The following ITSN1 variants were observed in gnomAD, a reference collection of about 807,000 sequenced individuals.
ITSN1 encodes intersectin 1.
A neutral mutation model predicts 239.8 loss-of-function variants in ITSN1; 58 were observed. The ratio of observed to expected loss-of-function variants is 0.24; its 90% CI spans 0.20 to 0.30. The LOEUF is 0.30. Among genes scored for constraint, ITSN1 ranks in the 10% least tolerant of loss-of-function variants. The pLI, the probability that ITSN1 is intolerant of heterozygous loss-of-function variation, is 1.00. For missense variants in ITSN1, 1,558 were observed against 2,103.3 expected (o/e 0.74, Z 5.07); for synonymous variants, 780 against 770.8 (o/e 1.01, Z -0.20).
intron 1 of ITSN1, among the ~76,000 whole-genome samples, chr21:33,699,453 C>G (rs529682386): frequency 6.6e-6 from 1 of 152,300 alleles, no homozygotes; most frequent in East Asian, 1.9e-4. Context: ...GTCCAGCTGG[C>G]TGGGCACGGT....
intron 34 of ITSN1, among the ~76,000 whole-genome samples, chr21:33,881,406 CA>C (rs1207634551): frequency 0.31 from 23,232 of 75,116 alleles, 2,213 homozygotes; most frequent in African/African-American, 0.47. Context: ...GACTCTGTCT[CA>C]AAAAAAAAAA....
At chr21:33,780,300 A>G (rs531547712) in intron 14 of ITSN1, among the ~76,000 whole-genome samples, 3 of 152,366 alleles carry the variant, frequency 2.0e-5, no homozygotes, top group South Asian at 2.1e-4. Flanking sequence ...ATAAAAATCA[A>G]GATTCCCAAA....
At chr21:33,785,459 TTTC>T (rs1277649505) in intron 16 of ITSN1, among the ~76,000 whole-genome samples, 1 of 105,326 alleles carries the variant, frequency 9.5e-6, no homozygotes, top group Non-Finnish European at 2.3e-5. Context: ...ACACTTATAC[TTTC>T]CTTTTCTTTT....
intron 16 of ITSN1, among the ~76,000 whole-genome samples, chr21:33,783,768 T>C (rs2070399213): frequency 6.6e-6 from 1 of 152,080 alleles, no homozygotes; most frequent in South Asian, 2.1e-4. Context: ...AACTGTTAAA[T>C]ATTAAGCTCT....
chr21:33,657,670 G>T lies in ITSN1; in HGVS notation c.-33+14957G>T, dbSNP rs548423124. Among the ~76,000 whole-genome samples the T allele has an allele frequency of 4.6e-5, 7 of 152,262 alleles. No individual in the cohort carries two copies. In the South Asian group the frequency reaches 1.4e-3, roughly 32 times the overall value. On this transcript the variant is annotated intron_variant, in intron 1 of 39. Coordinates refer to ENST00000381318, the MANE Select transcript of ITSN1 (RefSeq NM_003024.3). The stretch of plus-strand genomic sequence containing the variant: ...CCTTTGAACAAGGGAGGGATTAGGG[G>T]TGTTGGTCCCCAACACAGGCAAATC...
chr21:33,645,305 G>A (rs2087833912), intron 1 of ITSN1, among the ~76,000 whole-genome samples: 1 of 152,118 alleles, frequency 6.6e-6, no homozygotes, highest in Non-Finnish European at 1.5e-5. Flanking sequence ...TTCTTAAAGT[G>A]TGGGCCTCAG....
At chr21:33,824,292 A>G (rs1331981440) in intron 25 of ITSN1, among the ~76,000 whole-genome samples, 1 of 152,192 alleles carries the variant, frequency 6.6e-6, no homozygotes, top group East Asian at 1.9e-4. Flanking sequence ...AGATAGTGCA[A>G]GTTGAATGGA....
chr21:33,882,354 G>A lies in ITSN1; in HGVS notation c.4453G>A (p.Asp1485Asn). ...NKELYGFLFN[D>N]FLLLTQITKP... ...GGAGCTGTATGGCTTCCTTTTCAAC[G>A]ACTTCCTCCTGCTGACTCAGATCAC... The change falls in exon 35 of 40, where the codon GAC becomes AAC. Residue 1485 changes from aspartate (D) to asparagine (N), a missense_variant. Asp to Asn is a conservative substitution (Grantham distance 23). Transcript: ENST00000381318. This position sits in a 1 kb window ranked among gnomAD's most constrained non-coding sequence, Gnocchi z 4.5. 1.2e-6 allele frequency: 2 copies of A among 1,614,116 alleles called. No homozygotes were observed. The highest frequency in any genetic ancestry group is 1.7e-6 in the Non-Finnish European group (2 of 1,180,032).
intron 1 of ITSN1, chr21:33,643,783 C>G (rs563936056): frequency 6.6e-6 from 1 of 152,344 alleles, no homozygotes; most frequent in South Asian, 2.1e-4. Flanking sequence ...TCTCTTGCTG[C>G]TCCTCTTGAT....
intron 38 of ITSN1, among the ~76,000 whole-genome samples, 164 bp downstream of exon 38, chr21:33,885,686 G>GT (rs1012809735): frequency 1.4e-4 from 21 of 151,442 alleles, no homozygotes; most frequent in Admixed American, 4.0e-4. Flanking sequence ...GAGGTTTTGT[G>GT]TTTTTTTTTC....
intron 14 of ITSN1, among the ~76,000 whole-genome samples, chr21:33,780,829 C>G (rs1295509338): frequency 6.6e-6 from 1 of 152,192 alleles, no homozygotes; most frequent in African/African-American, 2.4e-5. Flanking sequence ...AAGTTAACCA[C>G]AAAAATTCCA....
intron 16 of ITSN1, 46 bp from the exon 17 acceptor site, chr21:33,794,295 C>A: frequency 7.4e-7 from 1 of 1,353,004 alleles, no homozygotes; most frequent in Non-Finnish European, 1.1e-6. Context: ...AGTTGATGTA[C>A]CTGTCACTCA....
intron 3 of ITSN1, 128 bp downstream of exon 3, chr21:33,721,398 T>G (rs2065471997): frequency 1.6e-6 from 1 of 634,800 alleles, no homozygotes. Flanking sequence ...TGCCCTAACC[T>G]TGTGCCTGTC....
At chr21:33,887,275 T>C (rs1309333537) in intron 39 of ITSN1, among the ~76,000 whole-genome samples, 1 of 149,972 alleles carries the variant, frequency 6.7e-6, no homozygotes, top group African/African-American at 2.5e-5. Context: ...GCCATGATGG[T>C]ACCACTATAT....
chr21:33,710,845 C>T lies in ITSN1; in HGVS notation c.-32-7952C>T, dbSNP rs565990938. Among the ~76,000 whole-genome samples, 5 of 147,882 alleles carry T rather than the reference C, an allele frequency of 3.4e-5. 1 individual carries two copies. In the East Asian group the frequency reaches 7.9e-4, roughly 24 times the overall value. On this transcript the variant is annotated intron_variant, in intron 1 of 39. Coordinates refer to ENST00000381318, the MANE Select transcript of ITSN1 (RefSeq NM_003024.3). The stretch of plus-strand genomic sequence containing the variant: ...CTTTTGAGACGGAGTCTTGCTCCGT[C>T]GCCAGGCTGGAGTGCAGTGCTGCGA...
chr21:33,716,701 A>G (rs562800706), intron 1 of ITSN1: 2 of 152,210 alleles, frequency 1.3e-5, no homozygotes, highest in African/African-American at 4.8e-5. Flanking sequence ...GGAAAACCTT[A>G]AAAGTGAAAG....
chr21:33,697,781 A>G (rs1367174084), intron 1 of ITSN1, among the ~76,000 whole-genome samples: 1 of 152,132 alleles, frequency 6.6e-6, no homozygotes, highest in Non-Finnish European at 1.5e-5. Context: ...ATTCTTGATG[A>G]CCCACTGGAA....
intron 27 of ITSN1, among the ~76,000 whole-genome samples, chr21:33,830,002 T>A (rs1329475868): frequency 6.6e-6 from 1 of 152,170 alleles, no homozygotes; most frequent in Non-Finnish European, 1.5e-5. Flanking sequence ...GTCGGCATAG[T>A]GAGAACTCAT....
At chr21:33,802,493 G>A (rs2072080442) in intron 20 of ITSN1, 49 bp downstream of exon 20, 1 of 1,584,604 alleles carries the variant, frequency 6.3e-7, no homozygotes, top group Non-Finnish European at 8.7e-7. Flanking sequence ...TCAATGTTTT[G>A]TCCTTTTAAG....
Sources: gnomAD v4.1 joint callset for allele counts (sites outside exome capture counted in the v4.1 genomes callset) on GRCh38, gnomAD v4.1.1 for gene constraint, Gnocchi (gnomAD v3.1) non-coding constraint, MANE v1.5 for transcripts, NCBI Gene and HGNC (gene_info 2026-07-23, HGNC 2026-07-21) for gene names.